COMMD10: variants seen among roughly 807,000 people sequenced by gnomAD.
COMMD10 encodes COMM domain containing 10, also known as COMM domain-containing protein 10.
In COMMD10, 33 loss-of-function variants were observed where a neutral mutation model predicts 28.9. The observed-to-expected ratio is 1.14, with a 90% confidence interval of 0.87 to 1.53. The LOEUF (loss-of-function observed/expected upper bound fraction) is 1.53, where lower values mean the gene tolerates loss of function less well. Ranked by LOEUF, COMMD10 falls within the 40% of genes most tolerant of loss-of-function variation. The probability of loss-of-function intolerance (pLI) is 0.00; values close to 1 mark genes in which losing one functional copy is unlikely to be tolerated. For synonymous variants in COMMD10, 110 were observed against 81.7 expected (o/e 1.35, Z -1.87); for missense variants, 310 against 233.4 (o/e 1.33, Z -2.14).
At chr5:116,108,227 C>G (rs188829780) in intron 4 of COMMD10, among the ~76,000 whole-genome samples, 1 of 152,228 alleles carries the variant, frequency 6.6e-6, no homozygotes, top group East Asian at 1.9e-4. Context: ...CTGCTCTCTC[C>G]AGAGCTGCCA....
intron 5 of COMMD10, among the ~76,000 whole-genome samples, chr5:116,168,799 G>A (rs188301727): frequency 3.2e-4 from 49 of 152,222 alleles, no homozygotes; most frequent in African/African-American, 2.2e-4. Context: ...AAGACACAAT[G>A]TACCAGAATC....
intron 5 of COMMD10, among the ~76,000 whole-genome samples, chr5:116,240,352 C>A (rs758891606): frequency 2.0e-5 from 3 of 152,142 alleles, no homozygotes; most frequent in Non-Finnish European, 2.9e-5. Context: ...AGGGAGAATA[C>A]AGCAATCTCC....
intron 5 of COMMD10, among the ~76,000 whole-genome samples, chr5:116,178,909 C>T (rs1330311856): frequency 1.3e-5 from 2 of 152,040 alleles, no homozygotes; most frequent in South Asian, 4.1e-4. Context: ...CTTAATTATT[C>T]AATTACATTA....
intron 5 of COMMD10, among the ~76,000 whole-genome samples, chr5:116,273,373 T>C (rs1057204196): frequency 1.3e-5 from 2 of 151,876 alleles, no homozygotes; most frequent in East Asian, 3.8e-4. Context: ...AAAGTGATGT[T>C]TGATAGATGC....
chr5:116,236,767 C>T (rs554698177), intron 5 of COMMD10, among the ~76,000 whole-genome samples: 1 of 151,998 alleles, frequency 6.6e-6, no homozygotes, highest in Non-Finnish European at 1.5e-5. Context: ...TTCAAACTCA[C>T]AGAATTTACA....
intron 5 of COMMD10, among the ~76,000 whole-genome samples, chr5:116,185,416 C>G (rs530578761): frequency 3.3e-5 from 5 of 152,114 alleles, no homozygotes; most frequent in African/African-American, 1.2e-4. Flanking sequence ...ATTGATTGAA[C>G]AAAGGGGTCT....
chr5:116,141,558 A>T (rs901671689), intron 5 of COMMD10, among the ~76,000 whole-genome samples: 3 of 151,762 alleles, frequency 2.0e-5, no homozygotes, highest in African/African-American at 7.3e-5. Context: ...ATATCTTGCT[A>T]TTTAATTATG....
At chr5:116,284,102 A>G (rs1350267042) in intron 5 of COMMD10, among the ~76,000 whole-genome samples, 1 of 151,922 alleles carries the variant, frequency 6.6e-6, no homozygotes, top group Non-Finnish European at 1.5e-5. Context: ...ATTGCACTCC[A>G]GCCTGGGCAA....
intron 5 of COMMD10, among the ~76,000 whole-genome samples, chr5:116,169,485 T>C (rs1314531697): frequency 1.3e-5 from 2 of 152,146 alleles, no homozygotes; most frequent in Non-Finnish European, 2.9e-5. Context: ...CCCTAATTCA[T>C]TTAAGAGGCC....
chr5:116,123,067 G>T (rs1199913654), intron 4 of COMMD10, among the ~76,000 whole-genome samples: 1 of 151,948 alleles, frequency 6.6e-6, no homozygotes, highest in East Asian at 1.9e-4. Context: ...GTTTTCAAAG[G>T]GAATGCTTCT....
chr5:116,245,783 T>C (rs967354955), intron 5 of COMMD10, among the ~76,000 whole-genome samples: 6 of 151,518 alleles, frequency 4.0e-5, no homozygotes, highest in Admixed American at 6.6e-5. Flanking sequence ...TTTGATACAA[T>C]TCATACCTTC....
intron 4 of COMMD10, among the ~76,000 whole-genome samples, chr5:116,111,856 T>C (rs1230425095): frequency 6.6e-6 from 1 of 152,238 alleles, no homozygotes; most frequent in Non-Finnish European, 1.5e-5. Context: ...TGTCTAATGC[T>C]GTGAGTGAGA....
chr5:116,154,017 A>T (rs1486554658), intron 5 of COMMD10, among the ~76,000 whole-genome samples: 2 of 152,100 alleles, frequency 1.3e-5, no homozygotes, highest in African/African-American at 2.4e-5. Flanking sequence ...ACTCAACCAC[A>T]ATAAAAGTAG....
chr5:116,184,835 A>G (rs1748088015), intron 5 of COMMD10, among the ~76,000 whole-genome samples: 1 of 152,108 alleles, frequency 6.6e-6, no homozygotes, highest in Admixed American at 6.6e-5. Flanking sequence ...AAATTCATGA[A>G]TCTTGGAGGC....
At chr5:116,130,457 C>G (rs950704593) in intron 4 of COMMD10, among the ~76,000 whole-genome samples, 1 of 151,916 alleles carries the variant, frequency 6.6e-6, no homozygotes, top group Non-Finnish European at 1.5e-5. Context: ...TCTCCGTCTT[C>G]TGGACGTTTG....
At chr5:116,133,540 A>G (rs17138916) in intron 4 of COMMD10, among the ~76,000 whole-genome samples, 3,264 of 152,254 alleles carry the variant, frequency 0.021, 116 homozygotes, top group African/African-American at 0.075. Context: ...CATTGTGTCT[A>G]AAGGTGTGAA....
chr5:116,215,872 C>G (rs1348885220), intron 5 of COMMD10, among the ~76,000 whole-genome samples: 2 of 150,740 alleles, frequency 1.3e-5, no homozygotes, highest in Non-Finnish European at 3.0e-5. Flanking sequence ...ATTAACATTG[C>G]TGTTGTGAAG....
chr5:116,177,324 CATGTAA>C (rs966630323), intron 5 of COMMD10, among the ~76,000 whole-genome samples: 1 of 152,044 alleles, frequency 6.6e-6, no homozygotes, highest in Non-Finnish European at 1.5e-5. Context: ...GTTTAAAATA[CATGTAA>C]ATGTAAATGC....
At chr5:116,101,209 G>A (rs142476444) in intron 4 of COMMD10, among the ~76,000 whole-genome samples, 1 of 152,244 alleles carries the variant, frequency 6.6e-6, no homozygotes, top group African/African-American at 2.4e-5. Flanking sequence ...AAACAGGAGT[G>A]CAAGTACCTT....
Sources: allele counts gnomAD v4.1 joint callset (sites outside exome capture counted in the v4.1 genomes callset), GRCh38; gene constraint gnomAD v4.1.1; transcripts MANE v1.5; gene names NCBI Gene and HGNC (gene_info 2026-07-23, HGNC 2026-07-21).